SGCE: variants seen among roughly 807,000 people sequenced by gnomAD.
SGCE encodes sarcoglycan epsilon, also known as epsilon-sarcoglycan.
A neutral mutation model predicts 57.8 loss-of-function variants in SGCE; 26 were observed. The observed-to-expected ratio is 0.45, with a 90% confidence interval of 0.33 to 0.62. The LOEUF (loss-of-function observed/expected upper bound fraction) is 0.62, where lower values mean the gene tolerates loss of function less well. Ranked by LOEUF, SGCE falls within the 20% of genes least tolerant of loss-of-function variation. SGCE has a pLI of 0.02. For missense variants in SGCE, 468 were observed against 548.6 expected (o/e 0.85, Z 1.47); for synonymous variants, 183 against 189.5 (o/e 0.97, Z 0.28).
intron 3 of SGCE, chr7:94,627,016 T>C (rs2116947820): frequency 6.6e-6 from 1 of 152,206 alleles, no homozygotes; most frequent in South Asian, 2.1e-4. Flanking sequence ...TTATAACTTT[T>C]ACTGAATATT....
intron 10 of SGCE, 64 bp from the exon 11 acceptor site, chr7:94,585,579 A>G: frequency 9.3e-7 from 1 of 1,081,028 alleles, no homozygotes; most frequent in East Asian, 2.4e-5. Flanking sequence ...TTAGATTTTG[A>G]GCAAAGCAAA....
At chr7:94,644,767 C>G in intron 1 of SGCE, 1 of 389,320 alleles carries the variant, frequency 2.6e-6, no homozygotes, top group Non-Finnish European at 4.9e-6. Flanking sequence ...CAAGTTGTTA[C>G]GCTGCTCCCT....
intron 9 of SGCE, chr7:94,597,838 C>G (rs1798628315): frequency 6.6e-6 from 1 of 152,264 alleles, no homozygotes; most frequent in African/African-American, 2.4e-5. Context: ...GAAACCCCAT[C>G]CCTACTAAAA....
chr7:94,598,375 C>A, intron 9 of SGCE: 1 of 193,992 alleles, frequency 5.2e-6, no homozygotes, highest in Non-Finnish European at 1.1e-5. Flanking sequence ...ATTTAGATTA[C>A]AAAGGTCTAT....
chr7:94,633,963 T>C (rs967999319), intron 1 of SGCE, among the ~76,000 whole-genome samples: 1 of 152,104 alleles, frequency 6.6e-6, no homozygotes, highest in African/African-American at 2.4e-5. Context: ...AACAATTACA[T>C]GGCTATAAAG....
At position 94,647,005 on chromosome 7, in the gene SGCE, T is replaced by C. The variant is rs557595840; in HGVS notation, c.109+8985A>G. ...CGTCCTCGTGTCTTTCCATATTCTA[T>C]GTGTGTACACACAAAAACACATACC... is the stretch of plus-strand genomic sequence containing the variant. On this transcript the variant is annotated intron_variant, in intron 1 of 10. Transcript: ENST00000648936. 5.3e-5 allele frequency among the ~76,000 whole-genome samples: 8 copies of C among 152,364 alleles called. No homozygotes were observed. In the South Asian group the frequency reaches 1.7e-3, roughly 32 times the overall value.
intron 1 of SGCE, chr7:94,640,840 G>A (rs12704729): frequency 0.12 from 18,149 of 152,102 alleles, 1,438 homozygotes; most frequent in South Asian, 0.25. Context: ...TAGAGATGGG[G>A]TTTCACTATG....
chr7:94,586,878 C>G (rs1263976338), intron 10 of SGCE: 1 of 984,928 alleles, frequency 1.0e-6, no homozygotes, highest in Admixed American at 6.2e-5. Flanking sequence ...CTAGGGTGGT[C>G]TCTCTCCCTT....
chr7:94,621,284 G>A (rs1334334859), intron 4 of SGCE: 1 of 152,208 alleles, frequency 6.6e-6, no homozygotes, highest in Non-Finnish European at 1.5e-5. Flanking sequence ...GGTTCAAATA[G>A]GTTTGGGCCA....
At chr7:94,640,950 TC>T (rs1806303775) in intron 1 of SGCE, 2 of 152,230 alleles carry the variant, frequency 1.3e-5, no homozygotes, top group African/African-American at 4.8e-5. Context: ...ACCCGGCCTG[TC>T]CTAACTTCTG....
At chr7:94,616,487 C>T (rs1294450224) in intron 5 of SGCE, among the ~76,000 whole-genome samples, 1 of 152,086 alleles carries the variant, frequency 6.6e-6, no homozygotes, top group African/African-American at 2.4e-5. Context: ...CCTTTGCTAG[C>T]TCTGAACCTA....
intron 1 of SGCE, among the ~76,000 whole-genome samples, chr7:94,631,180 G>A (rs912624460): frequency 2.0e-5 from 3 of 151,836 alleles, no homozygotes; most frequent in African/African-American, 7.3e-5. Flanking sequence ...CTTCCCCTGT[G>A]GCATTTACAG....
At chr7:94,622,162 G>A (rs1159206521) in intron 4 of SGCE, 1 of 152,078 alleles carries the variant, frequency 6.6e-6, no homozygotes, top group African/African-American at 2.4e-5. Context: ...TAAAATGTTT[G>A]GTGTTTGCTC....
chr7:94,628,579 AG>A (rs1804142325), intron 2 of SGCE: 1 of 530,728 alleles, frequency 1.9e-6, no homozygotes, highest in African/African-American at 1.9e-5. Context: ...CAACAAAGAA[AG>A]CAGATTCATA....
chr7:94,594,921 T>C (rs1368697005), intron 9 of SGCE, among the ~76,000 whole-genome samples: 1 of 152,266 alleles, frequency 6.6e-6, no homozygotes, highest in Admixed American at 6.5e-5. Context: ...TTTCTAGGCA[T>C]GTGCTACATC....
chr7:94,647,215 T>C (rs1275880038), intron 1 of SGCE, among the ~76,000 whole-genome samples: 1 of 152,152 alleles, frequency 6.6e-6, no homozygotes, highest in African/African-American at 2.4e-5. Context: ...TAAAAACTGA[T>C]CCTATTCCAG....
intron 4 of SGCE, 29 bp from the exon 5 acceptor site, chr7:94,618,985 T>A: frequency 6.9e-7 from 1 of 1,446,624 alleles, no homozygotes; most frequent in South Asian, 1.1e-5. Flanking sequence ...GGCATGCATA[T>A]CTTTAATGAA....
chr7:94,615,681 A>G (rs1801819974), intron 5 of SGCE, among the ~76,000 whole-genome samples: 1 of 152,158 alleles, frequency 6.6e-6, no homozygotes, highest in African/African-American at 2.4e-5. Flanking sequence ...TGCTTTGGTA[A>G]CCAGAGGAAA....
In SGCE at chr7:94,656,000, G is replaced by C; in HGVS notation, c.99C>G (p.Phe33Leu). 1 of 1,606,376 alleles carries C rather than the reference G, an allele frequency of 6.2e-7. No individual in the cohort carries two copies. Among genetic ancestry groups the C allele is most frequent in the Non-Finnish European group, 8.5e-7 (1 of 1,173,244 alleles). The stretch of plus-strand genomic sequence containing the variant: ...GCGCAGGCCACTAACCTGTCAGCAA[G>C]AATGTGCCAGTGGTCGCGGGGCTCA... ...RRMSPATTGT[F>L]LLTVYSIFSK... Residue 33 changes from phenylalanine (F) to leucine (L), a missense_variant, in exon 1 of 11, where the codon TTC becomes TTG. Transcript: ENST00000648936.
Sources: gnomAD v4.1 joint callset for allele counts (sites outside exome capture counted in the v4.1 genomes callset) on GRCh38, gnomAD v4.1.1 for gene constraint, MANE v1.5 for transcripts, NCBI Gene and HGNC (gene_info 2026-07-23, HGNC 2026-07-21) for gene names.